Variants in CUX1 observed in about 807,000 individuals in gnomAD.
CUX1 encodes the protein cut like homeobox 1, also known as protein CASP.
A neutral mutation model predicts 158.8 loss-of-function variants in CUX1; 31 were observed. The ratio of observed to expected loss-of-function variants is 0.20; its 90% CI spans 0.15 to 0.26. The LOEUF (loss-of-function observed/expected upper bound fraction) is 0.26. Among genes scored for constraint, CUX1 ranks in the 10% least tolerant of loss-of-function variants. The pLI is 1.00. For synonymous variants in CUX1, 879 were observed against 862.1 expected (o/e 1.02, Z -0.34); for missense variants, 1,589 against 2,014.6 (o/e 0.79, Z 4.04).
chr7:101,933,956 G>A (rs1035662507), intron 2 of CUX1, among the ~76,000 whole-genome samples: 2 of 152,176 alleles, frequency 1.3e-5, no homozygotes, highest in African/African-American at 4.8e-5. Flanking sequence ...TATTTTAAAA[G>A]CCGGAAAGAC....
At chr7:102,214,053 T>G (rs953114701) in intron 20 of CUX1, among the ~76,000 whole-genome samples, 13 of 152,014 alleles carry the variant, frequency 8.6e-5, no homozygotes, top group Non-Finnish European at 1.9e-4. Context: ...GAGAATTAAC[T>G]CGAACCCAGA....
At chr7:102,227,757 C>A in intron 21 of CUX1, 88 bp downstream of exon 21, 1 of 1,359,912 alleles carries the variant, frequency 7.4e-7, no homozygotes, top group Non-Finnish European at 1.0e-6. Flanking sequence ...GCCAAGCCAA[C>A]CACAGAGTCT....
At chr7:101,892,621 C>G (rs1460612454) in intron 1 of CUX1, among the ~76,000 whole-genome samples, 1 of 152,154 alleles carries the variant, frequency 6.6e-6, no homozygotes, top group African/African-American at 2.4e-5. Context: ...AATGTGCTTT[C>G]TGTTCCTATC....
intron 4 of CUX1, among the ~76,000 whole-genome samples, chr7:102,095,740 G>A (rs1177746460): frequency 1.3e-5 from 2 of 152,252 alleles, no homozygotes; most frequent in Middle Eastern, 3.4e-3. Flanking sequence ...TCTTCGACTG[G>A]AGACTAAATC....
chr7:101,847,479 C>T (rs939692651), intron 1 of CUX1, among the ~76,000 whole-genome samples: 3 of 152,158 alleles, frequency 2.0e-5, no homozygotes, highest in African/African-American at 7.2e-5. Context: ...TCCAGCACTT[C>T]TTAGCTGTGT....
At chr7:101,906,948 C>T (rs369093440) in intron 1 of CUX1, among the ~76,000 whole-genome samples, 1 of 152,112 alleles carries the variant, frequency 6.6e-6, no homozygotes, top group Admixed American at 6.6e-5. Flanking sequence ...TCTGTGGAAA[C>T]CCTGGCTTCC....
chr7:102,012,308 C>G (rs1003152129), intron 2 of CUX1, among the ~76,000 whole-genome samples: 2 of 152,112 alleles, frequency 1.3e-5, no homozygotes, highest in Admixed American at 6.6e-5. Flanking sequence ...ATGTCTCAGC[C>G]TCCCAAGTAG....
upstream of CUX1, chr7:101,817,448 G>A (rs1185183497): frequency 2.0e-6 from 2 of 984,178 alleles, no homozygotes; most frequent in East Asian, 1.1e-4. The surrounding 1 kb of genome is among the most constrained non-coding windows in gnomAD (Gnocchi z 4.1). Flanking sequence ...TGGTCCGCGC[G>A]CGGAGTCCCC....
intron 8 of CUX1, among the ~76,000 whole-genome samples, chr7:102,117,655 A>G (rs1831573059): frequency 6.6e-6 from 1 of 152,170 alleles, no homozygotes; most frequent in Non-Finnish European, 1.5e-5. Flanking sequence ...GGGGAAGGGC[A>G]TAGTACATCC....
intron 1 of CUX1, among the ~76,000 whole-genome samples, chr7:101,907,027 G>A (rs922108455): frequency 1.3e-5 from 2 of 152,152 alleles, no homozygotes; most frequent in Non-Finnish European, 2.9e-5. Flanking sequence ...CCATCATTCA[G>A]GATTTTTTAT....
At chr7:102,282,060 C>T in intron 21 of CUX1, 1 of 680,886 alleles carries the variant, frequency 1.5e-6, no homozygotes, top group South Asian at 1.6e-5. Flanking sequence ...TGCCTCTCCC[C>T]TTCGAGAGCC....
chr7:102,031,355 G>T (rs1192001579), intron 3 of CUX1, among the ~76,000 whole-genome samples: 2 of 152,136 alleles, frequency 1.3e-5, no homozygotes, highest in African/African-American at 2.4e-5. Context: ...GAGCCACCGC[G>T]CCTGGCCTGA....
At chr7:102,184,907 A>G (rs1780092376) in intron 11 of CUX1, among the ~76,000 whole-genome samples, 1 of 152,052 alleles carries the variant, frequency 6.6e-6, no homozygotes, top group Admixed American at 6.5e-5. Flanking sequence ...CGGCCTCCCA[A>G]AGTGCTGGGA....
rs144352012 is a variant in CUX1 at position 101,926,322 on chromosome 7, T to C, written c.141+10097T>C. Among the ~76,000 whole-genome samples the C allele has an allele frequency of 6.7e-3, 1,027 of 152,278 alleles. 7 individuals are homozygous for C. Among genetic ancestry groups the C allele is most frequent in the African/African-American group, 0.023 (967 of 41,550 alleles). On this transcript the variant is annotated intron_variant, in intron 2 of 23. Coordinates refer to ENST00000292535, the MANE Select transcript of CUX1 (RefSeq NM_181552.4). ...CAACCCAAGACATTATTTTCTTTCTTTTGGGTCTCTAGGGGAGAAGAGGTG... is the reference window on the plus strand; with the variant it reads ...CAACCCAAGACATTATTTTCTTTCTCTTGGGTCTCTAGGGGAGAAGAGGTG...
intron 1 of CUX1, among the ~76,000 whole-genome samples, chr7:101,901,712 T>G (rs998389621): frequency 2.0e-5 from 3 of 152,198 alleles, no homozygotes; most frequent in Admixed American, 1.3e-4. Context: ...ACTAGGTGGT[T>G]TGTTTTGTTC....
chr7:102,124,297 C>T (rs190807087), intron 8 of CUX1, among the ~76,000 whole-genome samples: 3 of 152,246 alleles, frequency 2.0e-5, no homozygotes, highest in South Asian at 2.1e-4. Context: ...ACAGCAGTGC[C>T]GAATGCAGGC....
chr7:102,019,176 C>A (rs191394191), intron 2 of CUX1, among the ~76,000 whole-genome samples: 108 of 152,254 alleles, frequency 7.1e-4, no homozygotes, highest in African/African-American at 2.5e-3. Context: ...ACTTAGATAA[C>A]CGCCCCCGCG....
intron 2 of CUX1, among the ~76,000 whole-genome samples, chr7:102,019,033 C>G (rs1420366322): frequency 6.6e-6 from 1 of 152,156 alleles, no homozygotes; most frequent in Non-Finnish European, 1.5e-5. Context: ...GGCATCCAGG[C>G]TCCACCATAA....
intron 17 of CUX1, among the ~76,000 whole-genome samples, chr7:102,276,438 A>C (rs913497597): frequency 9.9e-5 from 15 of 152,122 alleles, no homozygotes; most frequent in African/African-American, 3.1e-4. Context: ...GATAGCTGAG[A>C]TTACAGGCGT....
Sources: allele counts gnomAD v4.1 joint callset (sites outside exome capture counted in the v4.1 genomes callset), GRCh38; gene constraint gnomAD v4.1.1; non-coding constraint Gnocchi (gnomAD v3.1); transcripts MANE v1.5; gene names NCBI Gene and HGNC (gene_info 2026-07-23, HGNC 2026-07-21).